Variants in FOXN3 observed in about 807,000 individuals in gnomAD.
FOXN3 encodes forkhead box N3, also known as forkhead box protein N3.
A neutral mutation model predicts 38.4 loss-of-function variants in FOXN3; 7 were observed. That is an observed-to-expected ratio of 0.18 (90% CI 0.10 to 0.34). The LOEUF is 0.34. Ranked by LOEUF, FOXN3 falls within the 10% of genes least tolerant of loss-of-function variation. The pLI, the probability that FOXN3 is intolerant of heterozygous loss-of-function variation, is 1.00. For synonymous variants in FOXN3, 230 were observed against 242.2 expected, an observed-to-expected ratio of 0.95 and a Z score of 0.47; for missense variants, 456 against 613.4, an observed-to-expected ratio of 0.74 and a Z score of 2.71.
At chr14:89,314,592 T>C (rs1305172006) in intron 3 of FOXN3, among the ~76,000 whole-genome samples, 1 of 152,240 alleles carries the variant, frequency 6.6e-6, no homozygotes, top group Admixed American at 6.5e-5. Context: ...GATTCATTCA[T>C]TCAACAAAGA....
intron 1 of FOXN3, among the ~76,000 whole-genome samples, chr14:89,509,024 C>T (rs1000761027): frequency 6.6e-6 from 1 of 152,112 alleles, no homozygotes; most frequent in African/African-American, 2.4e-5. Flanking sequence ...GCTATCTACC[C>T]CCAGCCTCCG....
intron 4 of FOXN3, among the ~76,000 whole-genome samples, chr14:89,259,276 A>T (rs758233753): frequency 3.3e-5 from 5 of 152,220 alleles, no homozygotes; most frequent in Admixed American, 3.3e-4. Context: ...ATGAGAATCT[A>T]AAGGACAAGC....
chr14:89,576,465 C>A (rs1206202853), intron 1 of FOXN3: 2 of 151,328 alleles, frequency 1.3e-5, no homozygotes, highest in Non-Finnish European at 2.9e-5. Flanking sequence ...TTATATAACA[C>A]TCAGACAAGG....
In FOXN3 at chr14:89,164,097, C is replaced by A. The variant is rs1879997087; in HGVS notation, c.852-1128G>T. On this transcript the variant is annotated intron_variant, in intron 5 of 5. Coordinates refer to ENST00000557258, the MANE Select transcript of FOXN3 (RefSeq NM_005197.4). This position sits in a 1 kb window ranked among gnomAD's most constrained non-coding sequence, Gnocchi z 4.3. ...GGACACGAATTAATGCCTGCAGGTG[C>A]CTGGACCACGGCTTGGCCTGACAGC... Among the ~76,000 whole-genome samples the A allele has an allele frequency of 6.6e-6, 1 of 152,236 alleles. No individual in the cohort carries two copies. Among genetic ancestry groups the A allele is most frequent in the Non-Finnish European group, 1.5e-5 (1 of 68,054 alleles).
chr14:89,195,015 C>T (rs1888062154), intron 4 of FOXN3, among the ~76,000 whole-genome samples: 1 of 152,138 alleles, frequency 6.6e-6, no homozygotes, highest in South Asian at 2.1e-4. Context: ...AGTTTTTCTA[C>T]GGTGAGAATT....
chr14:89,446,429 C>T (rs1202757916), intron 1 of FOXN3, among the ~76,000 whole-genome samples: 2 of 151,970 alleles, frequency 1.3e-5, no homozygotes, highest in Non-Finnish European at 2.9e-5. Flanking sequence ...CCTCAAGTGA[C>T]CCGCCTGTCT....
intron 3 of FOXN3, among the ~76,000 whole-genome samples, chr14:89,294,117 T>C (rs934826645): frequency 1.3e-5 from 2 of 152,128 alleles, no homozygotes; most frequent in South Asian, 4.1e-4. Flanking sequence ...TTTCCTTTCC[T>C]TTCTGTTTCT....
chr14:89,545,060 G>T (rs573351850), intron 1 of FOXN3, among the ~76,000 whole-genome samples: 1 of 152,338 alleles, frequency 6.6e-6, no homozygotes, highest in African/African-American at 2.4e-5. Context: ...TACTGAACAA[G>T]CTGGCTGGAC....
rs950612477 is a variant in FOXN3, at chr14:89,157,745, G to C, written c.*4669C>G. 1.5e-4 allele frequency: 23 copies of C among 152,700 alleles called. No individual in the cohort carries two copies. The highest frequency in any genetic ancestry group is 5.5e-4 in the African/African-American group (23 of 41,560). 9.5% of individuals were successfully genotyped at this position (152,700 alleles called of 1,614,324 possible). The stretch of plus-strand genomic sequence containing the variant: ...GTGTTGATGTATATTATATATAGTA[G>C]TATAAATAATAAAAAAGTATTATTT... On this transcript the variant is annotated 3_prime_UTR_variant, in exon 6 of 6. Coordinates refer to ENST00000557258, the MANE Select transcript of FOXN3 (RefSeq NM_005197.4).
chr14:89,394,418 G>A (rs746510719), intron 2 of FOXN3, among the ~76,000 whole-genome samples: 2 of 151,850 alleles, frequency 1.3e-5, no homozygotes, highest in Admixed American at 6.6e-5. Context: ...TGTTGGCCAG[G>A]CTGGTCTCGA....
intron 4 of FOXN3, among the ~76,000 whole-genome samples, chr14:89,189,535 G>A (rs908123140): frequency 1.3e-5 from 2 of 152,240 alleles, no homozygotes; most frequent in African/African-American, 4.8e-5. Flanking sequence ...GCAGACCTTG[G>A]TAAACCAGCT....
intron 3 of FOXN3, among the ~76,000 whole-genome samples, chr14:89,319,094 AG>A (rs1166797765): frequency 6.6e-6 from 1 of 152,230 alleles, no homozygotes; most frequent in Non-Finnish European, 1.5e-5. Flanking sequence ...GAAGAATCAA[AG>A]ACAATTCTGA....
chr14:89,239,494 G>C (rs1885081657), intron 4 of FOXN3, among the ~76,000 whole-genome samples: 1 of 152,204 alleles, frequency 6.6e-6, no homozygotes, highest in Admixed American at 6.5e-5. Context: ...TCTAGCAACA[G>C]AGGTGCAAGG....
chr14:89,310,691 A>T (rs1887512454), intron 3 of FOXN3, among the ~76,000 whole-genome samples: 1 of 152,216 alleles, frequency 6.6e-6, no homozygotes, highest in Admixed American at 6.5e-5. Flanking sequence ...TTTGGGCACC[A>T]TATATACCAC....
chr14:89,425,065 T>TTC (rs200172110), intron 1 of FOXN3, among the ~76,000 whole-genome samples: 230 of 118,232 alleles, frequency 1.9e-3, no homozygotes, highest in Non-Finnish European at 3.5e-3. Context: ...TTCTTTTCTT[T>TTC]TTTTTTTTTT....
At chr14:89,563,552 T>C (rs564885770) in intron 1 of FOXN3, among the ~76,000 whole-genome samples, 12 of 152,084 alleles carry the variant, frequency 7.9e-5, no homozygotes, top group African/African-American at 2.4e-4. Flanking sequence ...CACTTCCTGT[T>C]TGGGTTGTCC....
chr14:89,443,290 T>C (rs1363685458), intron 1 of FOXN3, among the ~76,000 whole-genome samples: 1 of 152,102 alleles, frequency 6.6e-6, no homozygotes, highest in Non-Finnish European at 1.5e-5. Context: ...ATAGCCATAT[T>C]TTATGGCTGG....
At chr14:89,210,764 G>A (rs1227869976) in intron 4 of FOXN3, among the ~76,000 whole-genome samples, 1 of 152,196 alleles carries the variant, frequency 6.6e-6, no homozygotes. Context: ...TAAAAACAGA[G>A]GTGCTATCGA....
intron 1 of FOXN3, among the ~76,000 whole-genome samples, chr14:89,596,735 T>TA (rs1195188781): frequency 1.3e-5 from 2 of 152,250 alleles, no homozygotes; most frequent in Non-Finnish European, 2.9e-5. Flanking sequence ...TTATTTTTCT[T>TA]ACAGCAGTTT....
Sources: gnomAD v4.1 joint callset for allele counts (sites outside exome capture counted in the v4.1 genomes callset) on GRCh38, gnomAD v4.1.1 for gene constraint, Gnocchi (gnomAD v3.1) non-coding constraint, MANE v1.5 for transcripts, NCBI Gene and HGNC (gene_info 2026-07-23, HGNC 2026-07-21) for gene names.